The following PLXDC2 variants were observed in gnomAD, a reference collection of about 807,000 sequenced individuals.
PLXDC2 encodes the protein plexin domain-containing protein 2.
PLXDC2 carries 40 observed loss-of-function variants against 68.9 expected under a neutral mutation model. The observed-to-expected ratio is 0.58, with a 90% CI of 0.45 to 0.76. The LOEUF (loss-of-function observed/expected upper bound fraction) is 0.76, where lower values mean the gene tolerates loss of function less well. Among genes scored for constraint, PLXDC2 ranks in the 30% least tolerant of loss-of-function variants. The pLI is 0.00. For synonymous variants in PLXDC2, 243 were observed against 234.2 expected, an observed-to-expected ratio of 1.04 and a Z score of -0.34; for missense variants, 644 against 661.9, an observed-to-expected ratio of 0.97 and a Z score of 0.30.
intron 1 of PLXDC2, among the ~76,000 whole-genome samples, chr10:19,864,011 G>A (rs1175810130): frequency 1.3e-5 from 2 of 152,034 alleles, no homozygotes; most frequent in South Asian, 4.1e-4. Context: ...TTAAACCTGG[G>A]AAGATTAAAA....
At chr10:20,259,261 G>A (rs969238218) in intron 13 of PLXDC2, among the ~76,000 whole-genome samples, 10 of 152,026 alleles carry the variant, frequency 6.6e-5, no homozygotes, top group African/African-American at 2.2e-4. Context: ...AAAACGTTCA[G>A]AAACATTTCA....
chr10:19,831,648 C>T (rs1327842172), intron 1 of PLXDC2, among the ~76,000 whole-genome samples: 4 of 152,120 alleles, frequency 2.6e-5, no homozygotes, highest in African/African-American at 4.8e-5. Flanking sequence ...GTGTTCTCAT[C>T]GTTTAGCTCC....
chr10:19,983,491 T>G (rs922822236), intron 1 of PLXDC2, among the ~76,000 whole-genome samples: 1 of 152,238 alleles, frequency 6.6e-6, no homozygotes, highest in Non-Finnish European at 1.5e-5. Flanking sequence ...AGGAATTATC[T>G]GCTGGACTAG....
intron 4 of PLXDC2, among the ~76,000 whole-genome samples, chr10:20,139,586 A>C (rs1034800911): frequency 2.0e-5 from 3 of 152,248 alleles, no homozygotes; most frequent in Non-Finnish European, 2.9e-5. Context: ...TCACAATAGC[A>C]AAGACTTGGA....
chr10:20,252,969 T>A (rs1485471317), intron 13 of PLXDC2, among the ~76,000 whole-genome samples: 3 of 114,898 alleles, frequency 2.6e-5, no homozygotes, highest in African/African-American at 8.0e-5. Context: ...ATCATCATTA[T>A]CCTTATTTTA....
intron 1 of PLXDC2, among the ~76,000 whole-genome samples, chr10:19,901,161 T>A (rs1398113745): frequency 6.6e-6 from 1 of 152,112 alleles, no homozygotes; most frequent in Admixed American, 6.6e-5. Context: ...CTTTTTCATA[T>A]AAAGACTTCT....
chr10:19,980,357 A>G (rs1001581597), intron 1 of PLXDC2, among the ~76,000 whole-genome samples: 1 of 152,218 alleles, frequency 6.6e-6, no homozygotes, highest in South Asian at 2.1e-4. Context: ...GTCAAGGATC[A>G]GTTATGTTTG....
chr10:20,129,568 T>C (rs1018043616), intron 4 of PLXDC2, among the ~76,000 whole-genome samples: 3 of 151,730 alleles, frequency 2.0e-5, no homozygotes, highest in Non-Finnish European at 4.4e-5. Flanking sequence ...TGTATATATA[T>C]ACACATATAT....
chr10:19,842,930 G>A (rs1378732191), intron 1 of PLXDC2, among the ~76,000 whole-genome samples: 2 of 152,120 alleles, frequency 1.3e-5, no homozygotes, highest in African/African-American at 4.8e-5. Context: ...ACTAAAAAAA[G>A]CAGTGCACAG....
chr10:20,147,821 C>G lies in PLXDC2; in HGVS notation c.702C>G (p.Leu234=). The G allele has an allele frequency of 6.2e-7, 1 of 1,613,380 alleles. No homozygotes were observed. The highest frequency in any genetic ancestry group is 8.5e-7 in the Non-Finnish European group (1 of 1,179,406). ...TGGTCCAGTGGGACCATGTACATCT[C>G]CAGGATAATTATAACCTGGGAAGCT... ...ALVVQWDHVH[L]QDNYNLGSFT... is the part of the protein sequence containing the mutation. Residue 234 remains leucine (L), a synonymous_variant, in exon 6 of 14, where the codon CTC becomes CTG. Transcript: ENST00000377252.
At chr10:20,165,965 G>A (rs1834369037) in intron 7 of PLXDC2, among the ~76,000 whole-genome samples, 2 of 152,022 alleles carry the variant, frequency 1.3e-5, no homozygotes, top group Admixed American at 1.3e-4. Flanking sequence ...GGGTGTTTGT[G>A]TCCTATGTGT....
At chr10:19,900,164 T>C (rs1453278225) in intron 1 of PLXDC2, among the ~76,000 whole-genome samples, 1 of 152,158 alleles carries the variant, frequency 6.6e-6, no homozygotes, top group Non-Finnish European at 1.5e-5. Context: ...TTTTCATCAA[T>C]CCACAAAGGA....
At chr10:20,142,658 T>C (rs954129622) in intron 4 of PLXDC2, among the ~76,000 whole-genome samples, 34 of 152,060 alleles carry the variant, frequency 2.2e-4, no homozygotes, top group African/African-American at 7.2e-4. Context: ...TAGAGAGGCA[T>C]TTGTGCATTG....
At chr10:19,940,363 A>G (rs1378355674) in intron 1 of PLXDC2, among the ~76,000 whole-genome samples, 2 of 152,128 alleles carry the variant, frequency 1.3e-5, no homozygotes, top group African/African-American at 4.8e-5. Context: ...AGAATCAAAG[A>G]AACCATTTGC....
intron 2 of PLXDC2, among the ~76,000 whole-genome samples, chr10:20,021,410 C>A (rs1835307403): frequency 6.6e-6 from 1 of 152,208 alleles, no homozygotes. Flanking sequence ...TGTCCTAATG[C>A]TTTCCCTCCC....
intron 6 of PLXDC2, among the ~76,000 whole-genome samples, chr10:20,153,803 A>T (rs191454169): frequency 9.2e-5 from 14 of 152,318 alleles, no homozygotes; most frequent in African/African-American, 2.9e-4. Context: ...ATATGACTCT[A>T]AAGCCCTAAG....
chr10:20,259,829 A>G (rs932256744), intron 13 of PLXDC2, among the ~76,000 whole-genome samples: 3 of 152,200 alleles, frequency 2.0e-5, no homozygotes, highest in Non-Finnish European at 4.4e-5. Flanking sequence ...GGAATTCTCA[A>G]AACTGACCTG....
At chr10:20,261,626 G>T (rs144415303) in intron 13 of PLXDC2, among the ~76,000 whole-genome samples, 17 of 152,008 alleles carry the variant, frequency 1.1e-4, no homozygotes, top group African/African-American at 4.1e-4. Context: ...AGGCTGAGGC[G>T]GACGGATCAC....
intron 1 of PLXDC2, among the ~76,000 whole-genome samples, chr10:19,857,027 A>C (rs940384738): frequency 3.3e-5 from 5 of 152,188 alleles, no homozygotes; most frequent in African/African-American, 7.2e-5. Context: ...AATTTATTAA[A>C]CACTTGTATG....
Sources: allele counts gnomAD v4.1 joint callset (sites outside exome capture counted in the v4.1 genomes callset), GRCh38; gene constraint gnomAD v4.1.1; transcripts MANE v1.5; gene names NCBI Gene and HGNC (gene_info 2026-07-23, HGNC 2026-07-21).